The following ANKS1B variants were observed in gnomAD, a reference collection of about 807,000 sequenced individuals.
ANKS1B encodes ankyrin repeat and sterile alpha motif domain containing 1B, also known as ankyrin repeat and sterile alpha motif domain-containing protein 1B.
A neutral mutation model predicts 148.3 loss-of-function variants in ANKS1B; 36 were observed. That is an observed-to-expected ratio of 0.24 (90% CI 0.19 to 0.32). ANKS1B has a LOEUF of 0.32. ANKS1B is among the 10% of genes least tolerant of loss of function. The pLI is 1.00. For missense variants in ANKS1B, 1,157 were observed against 1,542.6 expected (o/e 0.75, Z 4.19); for synonymous variants, 542 against 560.8 (o/e 0.97, Z 0.47).
intron 17 of ANKS1B, among the ~76,000 whole-genome samples, chr12:98,958,036 T>G (rs1465656935): frequency 6.6e-6 from 1 of 152,212 alleles, no homozygotes; most frequent in East Asian, 1.9e-4. Context: ...CTTCTATATT[T>G]GTCTGTTCTC....
At chr12:99,967,882 G>C (rs1470157589) in intron 1 of ANKS1B, among the ~76,000 whole-genome samples, 1 of 147,102 alleles carries the variant, frequency 6.8e-6, no homozygotes, top group Non-Finnish European at 1.5e-5. Context: ...ACTCCAGCCT[G>C]GGCGACAAGG....
Position 99,804,910 on chromosome 12 carries a change from C to A in ANKS1B, c.669+1494G>T, listed in dbSNP as rs552085758. ...ATGTGAGTAAGCCCAGGCTGACCTGCTGAATCATGACAGAGAAGTGGCAGT... is the reference window on the plus strand; with the variant it reads ...ATGTGAGTAAGCCCAGGCTGACCTGATGAATCATGACAGAGAAGTGGCAGT... On this transcript the variant is annotated intron_variant, in intron 4 of 26. Coordinates refer to ENST00000683438, the MANE Select transcript of ANKS1B (RefSeq NM_001352186.2). 5.3e-5 allele frequency among the ~76,000 whole-genome samples: 8 copies of A among 152,234 alleles called. No homozygotes were observed. The East Asian group carries it at 1.5e-3, about 29-fold the overall frequency.
At chr12:98,978,073 G>A (rs1027037354) in intron 17 of ANKS1B, among the ~76,000 whole-genome samples, 10 of 152,028 alleles carry the variant, frequency 6.6e-5, no homozygotes, top group African/African-American at 2.4e-4. Context: ...ATTTAAAGTA[G>A]ATTTTTTTTT....
chr12:99,361,117 G>C (rs888298531), intron 12 of ANKS1B, among the ~76,000 whole-genome samples: 17 of 152,148 alleles, frequency 1.1e-4, no homozygotes, highest in African/African-American at 3.9e-4. Context: ...ATAACTAAAA[G>C]AGTGTAATTG....
intron 1 of ANKS1B, among the ~76,000 whole-genome samples, chr12:99,875,359 AGATTT>A (rs1010423003): frequency 6.6e-6 from 1 of 152,164 alleles, no homozygotes; most frequent in Non-Finnish European, 1.5e-5. Flanking sequence ...TGAATCATTT[AGATTT>A]AACTCATTAA....
rs143346678 is a variant in ANKS1B, at chr12:99,812,010, G to T, written c.372+145C>A. On this transcript the variant is annotated intron_variant, in intron 3 of 26. Transcript: ENST00000683438. ...CTGCATATCATATCCAAACACCAAA[G>T]AATTTTTCAAATTTCTCCTTTTAGG... is the stretch of plus-strand genomic sequence containing the variant. The T allele has an allele frequency of 7.2e-4, 683 of 950,468 alleles. 1 individual carries two copies. In the African/African-American group the frequency reaches 8.7e-3, roughly 12 times the overall value. The allele number at this position is 950,468 out of a possible 1,614,324, so 58.9% of individuals were successfully genotyped here. A position where few individuals can be genotyped will look rare whatever the true frequency, so the allele number is the denominator to read the frequency against.
chr12:99,928,271 ATTTTT>A (rs763106581), intron 1 of ANKS1B, among the ~76,000 whole-genome samples: 3 of 99,116 alleles, frequency 3.0e-5, no homozygotes, highest in South Asian at 2.5e-4. Context: ...ATTTTATTTT[ATTTTT>A]TTTTTTTTTT....
At chr12:99,292,279 T>C (rs2080116120) in intron 12 of ANKS1B, among the ~76,000 whole-genome samples, 1 of 151,164 alleles carries the variant, frequency 6.6e-6, no homozygotes, top group African/African-American at 2.4e-5. Context: ...GATCACGAGG[T>C]CAAGAGACCG....
chr12:99,121,321 ATGTGTGTGTG>A lies in ANKS1B; in HGVS notation c.2526+32958_2526+32967del, dbSNP rs57560069. Among the ~76,000 whole-genome samples, 8 of 142,858 alleles carry A rather than the reference ATGTGTGTGTG, an allele frequency of 5.6e-5. No homozygotes were observed. In the East Asian group the frequency reaches 6.1e-4, roughly 11 times the overall value. 93.7% of individuals were successfully genotyped at this position (142,858 alleles called of 152,430 possible). On this transcript the variant is annotated intron_variant, in intron 15 of 26. Transcript: ENST00000683438. ...GTTTTAACAGTGTGTGTATGTAGGT[ATGTGTGTGTG>A]TGTGTGTGTGTGTGTGTGTGTGTGT...
intron 1 of ANKS1B, among the ~76,000 whole-genome samples, chr12:99,872,246 G>T (rs1210882336): frequency 6.6e-6 from 1 of 152,094 alleles, no homozygotes; most frequent in African/African-American, 2.4e-5. Context: ...AAATGTGTAT[G>T]TATGTGCATG....
intron 3 of ANKS1B, among the ~76,000 whole-genome samples, chr12:99,810,764 T>G (rs1316442370): frequency 2.0e-5 from 3 of 152,006 alleles, no homozygotes; most frequent in Non-Finnish European, 4.4e-5. Context: ...ATTTCTTATT[T>G]TCATGTCATT....
At chr12:99,028,892 G>C (rs2099950374) in intron 17 of ANKS1B, among the ~76,000 whole-genome samples, 1 of 152,170 alleles carries the variant, frequency 6.6e-6, no homozygotes, top group Non-Finnish European at 1.5e-5. Flanking sequence ...AATTAGAACA[G>C]GTACAGCCAG....
intron 9 of ANKS1B, among the ~76,000 whole-genome samples, chr12:99,604,672 G>A (rs953722928): frequency 6.6e-6 from 1 of 151,570 alleles, no homozygotes; most frequent in Non-Finnish European, 1.5e-5. Flanking sequence ...AAAATTAGCT[G>A]GGCATGGTGG....
chr12:99,804,271 A>T (rs1176444091), intron 4 of ANKS1B, among the ~76,000 whole-genome samples: 9 of 152,234 alleles, frequency 5.9e-5, no homozygotes, highest in Non-Finnish European at 8.8e-5. Context: ...TTATCATTAA[A>T]CAACTTTTAG....
chr12:99,675,674 A>T (rs1019192213), intron 8 of ANKS1B, among the ~76,000 whole-genome samples: 2 of 151,940 alleles, frequency 1.3e-5, no homozygotes, highest in African/African-American at 4.8e-5. Context: ...TCTAACCCAA[A>T]AAAAGGTAGA....
intron 8 of ANKS1B, among the ~76,000 whole-genome samples, chr12:99,751,130 C>T (rs1259543339): frequency 8.1e-6 from 1 of 124,080 alleles, no homozygotes; most frequent in Non-Finnish European, 1.7e-5. Context: ...AAATTTATTT[C>T]TTTGCTTAAT....
At chr12:99,567,945 C>T (rs2097414022) in intron 9 of ANKS1B, among the ~76,000 whole-genome samples, 1 of 152,182 alleles carries the variant, frequency 6.6e-6, no homozygotes, top group Non-Finnish European at 1.5e-5. Flanking sequence ...GCCCCCAGCA[C>T]CACCTTCCAC....
chr12:98,926,185 G>A (rs2099807909), intron 17 of ANKS1B, among the ~76,000 whole-genome samples: 1 of 152,180 alleles, frequency 6.6e-6, no homozygotes, highest in South Asian at 2.1e-4. Flanking sequence ...GAGCATTGAA[G>A]ACACACCTTA....
Position 99,641,967 on chromosome 12 carries a change from T to C in ANKS1B, c.1272+13100A>G, listed in dbSNP as rs147548007. Among the ~76,000 whole-genome samples the C allele has an allele frequency of 1.7e-3, 266 of 152,276 alleles. 2 individuals carry two copies. The highest frequency in any genetic ancestry group is 6.2e-3 in the African/African-American group (258 of 41,564). On this transcript the variant is annotated intron_variant, in intron 9 of 26. Transcript: ENST00000683438. ...CATAGGGACTATGGGAAAGTATAAA[T>C]AGTCCATAGAATTACTGTGAAATAT...
Sources: allele counts gnomAD v4.1 joint callset (sites outside exome capture counted in the v4.1 genomes callset), GRCh38; gene constraint gnomAD v4.1.1; transcripts MANE v1.5; gene names NCBI Gene and HGNC (gene_info 2026-07-23, HGNC 2026-07-21).